FAM120A: variants seen among roughly 807,000 people sequenced by gnomAD.
FAM120A encodes the protein family with sequence similarity 120 member A.
In FAM120A, 15 loss-of-function variants were observed where a neutral mutation model predicts 109.7. The observed-to-expected ratio is 0.14, with a 90% confidence interval of 0.09 to 0.21. The LOEUF (loss-of-function observed/expected upper bound fraction) is 0.21, where lower values mean the gene tolerates loss of function less well. Among genes scored for constraint, FAM120A ranks in the 10% least tolerant of loss-of-function variants. The probability of loss-of-function intolerance (pLI) is 1.00; values close to 1 mark genes in which losing one functional copy is unlikely to be tolerated. For missense variants in FAM120A, 899 were observed against 1,439.3 expected (o/e 0.62, Z 6.07); for synonymous variants, 493 against 572.8 (o/e 0.86, Z 1.99).
chr9:93,505,016 C>G (rs1196971249), intron 5 of FAM120A, among the ~76,000 whole-genome samples: 1 of 133,178 alleles, frequency 7.5e-6, no homozygotes, highest in South Asian at 2.6e-4. Flanking sequence ...AGGGTTTCCT[C>G]TATTGTGAAA....
chr9:93,453,680 T>C (rs1356377600), intron 1 of FAM120A: 1 of 961,020 alleles, frequency 1.0e-6, no homozygotes, highest in African/African-American at 1.8e-5. Flanking sequence ...GATTGGCCCC[T>C]GCGCCTGGCA....
Position 93,529,466 on chromosome 9 carries a change from C to T in FAM120A, c.1620C>T (p.His540=). 1.2e-6 allele frequency: 2 copies of T among 1,614,226 alleles called. No homozygotes were observed. Among genetic ancestry groups the T allele is most frequent in the Non-Finnish European group, 1.7e-6 (2 of 1,180,044 alleles). The change falls in exon 9 of 18, where the codon CAC becomes CAT. Residue 540 remains histidine (H), a synonymous_variant. Transcript: ENST00000277165. ...TCCTGTCGATGCCCACCAGGAACCACATGGACATCACCACACCTCCCCTGC... is the reference window on the plus strand; with the variant it reads ...TCCTGTCGATGCCCACCAGGAACCATATGGACATCACCACACCTCCCCTGC... The part of the protein sequence containing the change: ...PCLLSMPTRN[H]MDITTPPLPP...
At chr9:93,465,504 C>T (rs1857977046) in intron 1 of FAM120A, among the ~76,000 whole-genome samples, 1 of 152,160 alleles carries the variant, frequency 6.6e-6, no homozygotes, top group African/African-American at 2.4e-5. Flanking sequence ...GCCTGTTATA[C>T]TTTGTTCATC....
rs200096491 is a variant in FAM120A at position 93,476,232 on chromosome 9, A to G, written c.722-24A>G. On this transcript the variant is annotated intron_variant, in intron 2 of 17. Coordinates refer to ENST00000277165, the MANE Select transcript of FAM120A (RefSeq NM_014612.5). ...TATGTTACTTAAGATGATTGCTTTTATGTTATCCATGTTTATATTCCAGGA... is the reference window on the plus strand; with the variant it reads ...TATGTTACTTAAGATGATTGCTTTTGTGTTATCCATGTTTATATTCCAGGA... 14 of 1,507,966 alleles carry G rather than the reference A, an allele frequency of 9.3e-6. No individual in the cohort carries two copies. The African/African-American group carries it at 1.2e-4, about 13-fold the overall frequency. The allele number at this position is 1,507,966 out of a possible 1,614,324, so 93.4% of individuals were successfully genotyped here.
chr9:93,507,409 A>G (rs985066700), intron 5 of FAM120A, among the ~76,000 whole-genome samples: 1 of 152,096 alleles, frequency 6.6e-6, no homozygotes, highest in Non-Finnish European at 1.5e-5. Context: ...GATTTGGAGG[A>G]TGGTTTTGGA....
At chr9:93,476,437 A>T in intron 3 of FAM120A, 99 bp downstream of exon 3, 1 of 782,750 alleles carries the variant, frequency 1.3e-6, no homozygotes, top group Admixed American at 2.3e-5. Flanking sequence ...TGATGCTACA[A>T]AGTTAGCAAT....
At chr9:93,481,219 G>A (rs970132669) in intron 3 of FAM120A, among the ~76,000 whole-genome samples, 1 of 152,250 alleles carries the variant, frequency 6.6e-6, no homozygotes, top group African/African-American at 2.4e-5. Context: ...TGCTAAGTGA[G>A]CAGTTTTTCA....
chr9:93,524,937 T>A (rs1861009656), intron 7 of FAM120A, among the ~76,000 whole-genome samples: 1 of 152,146 alleles, frequency 6.6e-6, no homozygotes, highest in Non-Finnish European at 1.5e-5. Flanking sequence ...GTTCCAGGTA[T>A]CAGTTTAAGG....
chr9:93,472,933 G>T (rs1858373246), intron 2 of FAM120A, among the ~76,000 whole-genome samples: 1 of 152,150 alleles, frequency 6.6e-6, no homozygotes, highest in Non-Finnish European at 1.5e-5. Flanking sequence ...GGCAGGGAAA[G>T]ATTAACTTTA....
intron 5 of FAM120A, among the ~76,000 whole-genome samples, chr9:93,504,736 A>G (rs1859955043): frequency 6.6e-6 from 1 of 152,142 alleles, no homozygotes; most frequent in South Asian, 2.1e-4. Context: ...CATGATGGAT[A>G]GCGCACTTGT....
At chr9:93,514,512 T>G (rs1409890827) in intron 5 of FAM120A, among the ~76,000 whole-genome samples, 3 of 152,230 alleles carry the variant, frequency 2.0e-5, no homozygotes, top group Non-Finnish European at 4.4e-5. Flanking sequence ...GTGGATCTGT[T>G]GTGTCTCACA....
At chr9:93,472,991 C>G (rs1858376286) in intron 2 of FAM120A, among the ~76,000 whole-genome samples, 1 of 151,764 alleles carries the variant, frequency 6.6e-6, no homozygotes. Flanking sequence ...CTATGCTTTT[C>G]AAGTTTTCAT....
intron 15 of FAM120A, among the ~76,000 whole-genome samples, chr9:93,560,582 A>G (rs978738098): frequency 1.3e-5 from 2 of 152,204 alleles, no homozygotes; most frequent in Non-Finnish European, 2.9e-5. Context: ...TTTGCTGCCA[A>G]TTAGCAATTA....
intron 3 of FAM120A, among the ~76,000 whole-genome samples, chr9:93,490,998 TC>T (rs1326831304): frequency 1.3e-5 from 2 of 152,202 alleles, no homozygotes; most frequent in African/African-American, 4.8e-5. Context: ...CCTCCACTCT[TC>T]ACCCCTAACA....
chr9:93,542,569 C>T (rs1251113147), intron 10 of FAM120A, among the ~76,000 whole-genome samples: 2 of 151,986 alleles, frequency 1.3e-5, no homozygotes, highest in African/African-American at 2.4e-5. Flanking sequence ...TTTTTTGAGG[C>T]GAAATGTTGG....
chr9:93,457,757 G>A (rs1191006005), intron 1 of FAM120A, among the ~76,000 whole-genome samples: 4 of 151,244 alleles, frequency 2.6e-5, no homozygotes, highest in Non-Finnish European at 5.9e-5. Flanking sequence ...TGTTATTTGA[G>A]CACTGATCTT....
intron 7 of FAM120A, among the ~76,000 whole-genome samples, chr9:93,521,665 C>T (rs1860851368): frequency 1.3e-5 from 2 of 151,832 alleles, no homozygotes; most frequent in South Asian, 2.1e-4. Flanking sequence ...TTTGTTAGAA[C>T]AGTAGAGCAG....
Position 93,557,912 on chromosome 9 carries a change from T to G in FAM120A, c.2570T>G (p.Phe857Cys). 6.2e-7 allele frequency: 1 copy of G among 1,611,288 alleles called. No homozygotes were observed. The highest frequency in any genetic ancestry group is 1.1e-5 in the South Asian group (1 of 91,016). The change falls in exon 14 of 18, where the codon TTC (phenylalanine) becomes TGC (cysteine). Residue 857 changes from phenylalanine (F) to cysteine (C), a missense_variant. Physicochemically the swap from Phe to Cys is radical, Grantham distance 205. Transcript: ENST00000277165. ...TCCAGGCAGAGCCACACGCTCCCTTTCCCGCCGCCACCTGCCCTGCCCTTC... is the reference window on the plus strand; with the variant it reads ...TCCAGGCAGAGCCACACGCTCCCTTGCCCGCCGCCACCTGCCCTGCCCTTC... ...SFSRQSHTLP[F>C]PPPPALPFYP... is the part of the protein sequence containing the mutation.
Position 93,452,407 on chromosome 9 carries a change from G to A in FAM120A, c.474+18G>A. The A allele has an allele frequency of 3.1e-6, 5 of 1,591,048 alleles. No individual in the cohort carries two copies. Among genetic ancestry groups the A allele is most frequent in the Non-Finnish European group, 4.3e-6 (5 of 1,169,872 alleles). ...ACGTCAAGGTGAGGCCGGGGATCCGGGCGGGCCGGGGACCGGGGCCGCGCC... is the reference window on the plus strand; with the variant it reads ...ACGTCAAGGTGAGGCCGGGGATCCGAGCGGGCCGGGGACCGGGGCCGCGCC... On this transcript the variant is annotated intron_variant, in intron 1 of 17. Transcript: ENST00000277165. This position sits in a 1 kb window ranked among gnomAD's most constrained non-coding sequence, Gnocchi z 7.0.
Sources: gnomAD v4.1 joint callset for allele counts (sites outside exome capture counted in the v4.1 genomes callset) on GRCh38, gnomAD v4.1.1 for gene constraint, Gnocchi (gnomAD v3.1) non-coding constraint, MANE v1.5 for transcripts, NCBI Gene and HGNC (gene_info 2026-07-23, HGNC 2026-07-21) for gene names.